Variants in MOBP observed in about 807,000 individuals in gnomAD.
The protein encoded by MOBP is myelin-associated oligodendrocyte basic protein.
MOBP carries 5 observed loss-of-function variants against 15.0 expected under a neutral mutation model. The observed-to-expected ratio is 0.33, with a 90% CI of 0.17 to 0.70. The LOEUF is 0.70. MOBP is among the 30% of genes least tolerant of loss of function. The probability of loss-of-function intolerance (pLI) is 0.67; values close to 1 mark genes in which losing one functional copy is unlikely to be tolerated. For missense variants in MOBP, 188 were observed against 257.8 expected, an observed-to-expected ratio of 0.73 and a Z score of 1.85; for synonymous variants, 88 against 99.0, an observed-to-expected ratio of 0.89 and a Z score of 0.66.
At chr3:39,513,782 A>C (rs918478207) in exon 5 of MOBP, 5 of 257,814 alleles carry the variant, frequency 1.9e-5, no homozygotes, top group Non-Finnish European at 3.6e-5. Context: ...TCAAGTGCCA[A>C]CCCACATGTT....
chr3:39,468,675 T>A (rs1467920936), intron 1 of MOBP, among the ~76,000 whole-genome samples: 1 of 151,866 alleles, frequency 6.6e-6, no homozygotes, highest in Non-Finnish European at 1.5e-5. Context: ...GGTGTATATA[T>A]AAAAATATGT....
chr3:39,489,190 A>G (rs946490289), intron 2 of MOBP, among the ~76,000 whole-genome samples: 1 of 152,066 alleles, frequency 6.6e-6, no homozygotes, highest in African/African-American at 2.4e-5. Context: ...ATTAAATTTC[A>G]TTTCTTCAGG....
At chr3:39,523,251 A>G (rs193209563) in intron 3 of MOBP, among the ~76,000 whole-genome samples, 23 of 152,370 alleles carry the variant, frequency 1.5e-4, no homozygotes, top group Middle Eastern at 6.8e-3. Flanking sequence ...GGGTATTTCT[A>G]TATAGGATTA....
At chr3:39,519,486 C>T (rs1362448549), downstream of MOBP, among the ~76,000 whole-genome samples, 4 of 147,406 alleles carry the variant, frequency 2.7e-5, no homozygotes, top group Non-Finnish European at 4.5e-5. Context: ...CATTATTTGG[C>T]TTAGACTATA....
At chr3:39,482,173 G>C (rs1310455076) in intron 2 of MOBP, among the ~76,000 whole-genome samples, 1 of 151,898 alleles carries the variant, frequency 6.6e-6, no homozygotes, top group Non-Finnish European at 1.5e-5. Context: ...TTGCTCAAAC[G>C]ACACACCTTG....
intron 2 of MOBP, among the ~76,000 whole-genome samples, chr3:39,496,235 G>A (rs544804815): frequency 2.2e-4 from 31 of 142,308 alleles, no homozygotes; most frequent in Non-Finnish European, 4.5e-4. Context: ...ATCTTGCTCT[G>A]TCGCCCAGGC....
At chr3:39,478,835 CT>C (rs1333657395) in intron 1 of MOBP, among the ~76,000 whole-genome samples, 4 of 141,646 alleles carry the variant, frequency 2.8e-5, no homozygotes, top group Non-Finnish European at 6.0e-5. Flanking sequence ...TTTTCTTCTT[CT>C]TTTTTTTTCT....
rs1362870179 is a variant in MOBP at position 39,467,710 on chromosome 3, A to G, written c.-119A>G. The G allele has an allele frequency of 1.3e-5, 2 of 152,254 alleles. No individual in the cohort carries two copies. The highest frequency in any genetic ancestry group is 2.9e-5 in the Non-Finnish European group (2 of 68,048). 9.4% of individuals were successfully genotyped at this position (152,254 alleles called of 1,614,324 possible). A position where few individuals can be genotyped will look rare whatever the true frequency, so the allele number is the denominator to read the frequency against. ...CTCAGGGACCTGGTATAGACGCAGA[A>G]TCTGTTTCACACAACAACTGCTATT... On this transcript the variant is annotated 5_prime_UTR_variant, in exon 1 of 4. Transcript: ENST00000684792.
At chr3:39,503,658 T>TTTTA (rs33931389), downstream of MOBP, among the ~76,000 whole-genome samples, 1,556 of 147,972 alleles carry the variant, frequency 0.011, 33 homozygotes, top group African/African-American at 0.035. Context: ...CTGGCCAATT[T>TTTTA]TTTATTTATT....
chr3:39,473,518 C>T (rs1415290702), intron 1 of MOBP, among the ~76,000 whole-genome samples: 3 of 152,108 alleles, frequency 2.0e-5, no homozygotes, highest in African/African-American at 4.8e-5. Context: ...GGCTCTGAGG[C>T]GTAGGAGCTG....
intron 2 of MOBP, among the ~76,000 whole-genome samples, chr3:39,499,312 G>A (rs1283571437): frequency 6.6e-6 from 1 of 152,214 alleles, no homozygotes; most frequent in Admixed American, 6.5e-5. Flanking sequence ...CTATAAGTCA[G>A]CTGCAGCTTC....
chr3:39,502,907 G>C lies in MOBP; in HGVS notation c.*27G>C. On this transcript the variant is annotated 3_prime_UTR_variant, in exon 4 of 4. Transcript: ENST00000684792. This position sits in a 1 kb window ranked among gnomAD's most constrained non-coding sequence, Gnocchi z 6.3. ...ACCATCTCTTCCCTTTTGTTCCCCA[G>C]CCCTAAGGTTAGTAGTTGCTTCCTG... 9.6e-7 allele frequency: 1 copy of C among 1,040,686 alleles called. No homozygotes were observed. The highest frequency in any genetic ancestry group is 1.4e-6 in the Non-Finnish European group (1 of 732,900). The allele number at this position is 1,040,686 out of a possible 1,614,324, so 64.5% of individuals were successfully genotyped here. A position where few individuals can be genotyped will look rare whatever the true frequency, so the allele number is the denominator to read the frequency against.
intron 1 of MOBP, among the ~76,000 whole-genome samples, chr3:39,475,153 T>G (rs1290740301): frequency 6.6e-6 from 1 of 152,166 alleles, no homozygotes; most frequent in Non-Finnish European, 1.5e-5. Context: ...TGAAAAGTTA[T>G]GTATAGTGTC....
At chr3:39,508,845 C>T (rs1451154493) in intron 4 of MOBP, among the ~76,000 whole-genome samples, 1 of 152,062 alleles carries the variant, frequency 6.6e-6, no homozygotes, top group Non-Finnish European at 1.5e-5. Flanking sequence ...CCGCGCCTGG[C>T]CCCAACATTT....
chr3:39,518,774 T>A (rs1513214), downstream of MOBP, among the ~76,000 whole-genome samples: 46,465 of 152,054 alleles, frequency 0.31, 9,270 homozygotes, highest in African/African-American at 0.57. Flanking sequence ...TCAATCATGT[T>A]TACATGCAGA....
In MOBP at chr3:39,502,293, C is replaced by T. The variant is rs773761162; in HGVS notation, c.206+18C>T. On this transcript the variant is annotated intron_variant, in intron 3 of 3. Transcript: ENST00000684792. This position sits in a 1 kb window ranked among gnomAD's most constrained non-coding sequence, Gnocchi z 6.3. Reference sequence around the variant, plus strand: ...AAGACCAGGTAAGCGGCCGCCCAGCCCCGCGGCACCAGTTGGGCACAGCGC... The same window carrying T: ...AAGACCAGGTAAGCGGCCGCCCAGCTCCGCGGCACCAGTTGGGCACAGCGC... 1 of 1,613,616 alleles carries T rather than the reference C, an allele frequency of 6.2e-7. No homozygotes were observed. The highest frequency in any genetic ancestry group is 8.5e-7 in the Non-Finnish European group (1 of 1,179,898).
rs1438819117 is a variant in MOBP at position 39,469,356 on chromosome 3, TTAAC to T, written c.-89+1620_-89+1623del. Among the ~76,000 whole-genome samples, 15 of 150,142 alleles carry T rather than the reference TTAAC, an allele frequency of 1.0e-4. No homozygotes were observed. The East Asian group carries it at 2.7e-3, about 27-fold the overall frequency. On this transcript the variant is annotated intron_variant, in intron 1 of 3. Coordinates refer to ENST00000684792, the MANE Select transcript of MOBP (RefSeq NM_001393704.1). ...TAATTAAAATTTATTTTAATTGGAA[TTAAC>T]TAAAATTTATTTTAATTGGAATTAA...
At chr3:39,475,502 T>A (rs2042533365) in intron 1 of MOBP, among the ~76,000 whole-genome samples, 1 of 152,224 alleles carries the variant, frequency 6.6e-6, no homozygotes, top group African/African-American at 2.4e-5. Context: ...TGTGGTACTC[T>A]AATAGTGATT....
At chr3:39,481,995 A>G (rs1274916482) in intron 2 of MOBP, among the ~76,000 whole-genome samples, 3 of 152,072 alleles carry the variant, frequency 2.0e-5, no homozygotes, top group African/African-American at 7.2e-5. Context: ...TACTCCAACA[A>G]CTTTCAAATT....
Sources: allele counts gnomAD v4.1 joint callset (sites outside exome capture counted in the v4.1 genomes callset), GRCh38; gene constraint gnomAD v4.1.1; non-coding constraint Gnocchi (gnomAD v3.1); transcripts MANE v1.5; gene names NCBI Gene and HGNC (gene_info 2026-07-23, HGNC 2026-07-21).